AGBL4: variants seen among roughly 807,000 people sequenced by gnomAD.
AGBL4 encodes the protein cytosolic carboxypeptidase 6.
In AGBL4, 58 loss-of-function variants were observed where a neutral mutation model predicts 66.4. That is an observed-to-expected ratio of 0.87 (90% CI 0.71 to 1.09). The LOEUF (loss-of-function observed/expected upper bound fraction) is 1.09, where lower values mean the gene tolerates loss of function less well. AGBL4 is among the 50% of genes least tolerant of loss of function. The probability of loss-of-function intolerance (pLI) is 0.00; values close to 1 mark genes in which losing one functional copy is unlikely to be tolerated. For synonymous variants in AGBL4, 234 were observed against 222.9 expected (o/e 1.05, Z -0.44); for missense variants, 579 against 631.0 (o/e 0.92, Z 0.88).
chr1:49,558,744 T>G (rs1024883492), intron 3 of AGBL4, among the ~76,000 whole-genome samples: 4 of 152,104 alleles, frequency 2.6e-5, no homozygotes, highest in Non-Finnish European at 5.9e-5. Context: ...CCAAGCAGCA[T>G]TCACCACAAA....
chr1:49,229,346 G>T (rs1410578971), intron 4 of AGBL4, among the ~76,000 whole-genome samples: 2 of 152,158 alleles, frequency 1.3e-5, no homozygotes, highest in African/African-American at 2.4e-5. Context: ...ACACAGAAAA[G>T]ACGTAAGAAA....
At chr1:49,805,166 G>A (rs1644948733) in intron 2 of AGBL4, among the ~76,000 whole-genome samples, 1 of 152,184 alleles carries the variant, frequency 6.6e-6, no homozygotes, top group South Asian at 2.1e-4. Context: ...AAACAAGGGA[G>A]TTTCGTATGT....
At chr1:48,959,129 G>A (rs1657742321) in intron 5 of AGBL4, among the ~76,000 whole-genome samples, 1 of 152,162 alleles carries the variant, frequency 6.6e-6, no homozygotes, top group African/African-American at 2.4e-5. Flanking sequence ...GCACAGGAAT[G>A]ATATGACATG....
intron 6 of AGBL4, among the ~76,000 whole-genome samples, chr1:48,798,005 T>C (rs1397217671): frequency 1.3e-5 from 2 of 152,226 alleles, no homozygotes; most frequent in Non-Finnish European, 2.9e-5. Flanking sequence ...GTAATAGGAT[T>C]GCTGGATCAA....
chr1:49,637,893 A>G (rs540608537), intron 3 of AGBL4, among the ~76,000 whole-genome samples: 6 of 152,322 alleles, frequency 3.9e-5, no homozygotes, highest in African/African-American at 1.4e-4. Context: ...ATAAATGGGC[A>G]TAAAACACTT....
chr1:49,993,518 C>T (rs752412337), intron 1 of AGBL4, among the ~76,000 whole-genome samples: 2 of 152,120 alleles, frequency 1.3e-5, no homozygotes, highest in Non-Finnish European at 2.9e-5. Flanking sequence ...CCCAGAATAC[C>T]CTTTTCCTTT....
intron 3 of AGBL4, among the ~76,000 whole-genome samples, chr1:49,440,594 T>C (rs753542092): frequency 1.6e-4 from 24 of 152,038 alleles, no homozygotes; most frequent in African/African-American, 5.8e-4. Context: ...CAAAAGAAAA[T>C]GATAAACCCA....
intron 9 of AGBL4, among the ~76,000 whole-genome samples, chr1:48,617,085 GA>G (rs1366326609): frequency 6.6e-6 from 1 of 152,330 alleles, no homozygotes; most frequent in African/African-American, 2.4e-5. Context: ...GAAAAGGAGG[GA>G]GGGGGGAGCT....
intron 2 of AGBL4, among the ~76,000 whole-genome samples, chr1:49,828,061 T>C (rs527802843): frequency 2.0e-5 from 3 of 152,240 alleles, no homozygotes; most frequent in Admixed American, 6.5e-5. Context: ...AGGGAGTTCA[T>C]AGCTTTCATT....
intron 4 of AGBL4, among the ~76,000 whole-genome samples, chr1:49,105,406 C>G (rs1166320811): frequency 6.6e-6 from 1 of 152,084 alleles, no homozygotes; most frequent in East Asian, 1.9e-4. Context: ...TGTCCATGCC[C>G]CACCTGTTAC....
intron 3 of AGBL4, among the ~76,000 whole-genome samples, chr1:49,289,244 G>A (rs1220879630): frequency 6.6e-6 from 1 of 152,010 alleles, no homozygotes; most frequent in Non-Finnish European, 1.5e-5. Context: ...TAACAGATGG[G>A]TTTAAATAAC....
At chr1:49,279,340 T>C (rs1040322931) in intron 3 of AGBL4, among the ~76,000 whole-genome samples, 2 of 152,198 alleles carry the variant, frequency 1.3e-5, no homozygotes, top group African/African-American at 4.8e-5. Context: ...AGGCGCTGTC[T>C]TCAACTCAGC....
At chr1:49,875,856 G>C (rs1405496867) in intron 1 of AGBL4, among the ~76,000 whole-genome samples, 1 of 148,186 alleles carries the variant, frequency 6.7e-6, no homozygotes, top group Non-Finnish European at 1.5e-5. Context: ...ATTCTAACTG[G>C]TGTGAGATGA....
chr1:48,929,345 A>T (rs749862904), intron 5 of AGBL4, among the ~76,000 whole-genome samples: 2 of 152,162 alleles, frequency 1.3e-5, no homozygotes, highest in African/African-American at 4.8e-5. Context: ...GTATCCTTTC[A>T]GTTAAAAAAC....
chr1:48,591,101 C>CCT lies in AGBL4; in HGVS notation c.952-117_952-116insAG. The stretch of plus-strand genomic sequence containing the variant: ...ACACACACCCACCCACCCCCCCCCA[C>CCT]ACACACACACACATCAAGCTGACCC... On this transcript the variant is annotated intron_variant, in intron 9 of 13. Coordinates refer to ENST00000371839, the MANE Select transcript of AGBL4 (RefSeq NM_032785.4). The CCT allele has an allele frequency of 5.6e-5, 45 of 799,086 alleles. 1 individual carries two copies. In the Admixed American group the frequency reaches 1.3e-3, roughly 23 times the overall value. 49.5% of individuals were successfully genotyped at this position (799,086 alleles called of 1,614,324 possible).
chr1:49,478,493 A>G (rs1045745131), intron 3 of AGBL4, among the ~76,000 whole-genome samples: 1 of 152,076 alleles, frequency 6.6e-6, no homozygotes, highest in South Asian at 2.1e-4. Flanking sequence ...ATCTGGTGAA[A>G]ATAACCTTCA....
chr1:49,568,814 C>T (rs543856633), intron 3 of AGBL4, among the ~76,000 whole-genome samples: 1 of 152,122 alleles, frequency 6.6e-6, no homozygotes, highest in Admixed American at 6.6e-5. Context: ...AACACAGAGA[C>T]CAATGGAACA....
chr1:48,750,822 G>A (rs1032319435), intron 6 of AGBL4, among the ~76,000 whole-genome samples: 1 of 152,162 alleles, frequency 6.6e-6, no homozygotes, highest in Non-Finnish European at 1.5e-5. Flanking sequence ...AAAGCTTCTT[G>A]TCCTGTATAG....
intron 6 of AGBL4, among the ~76,000 whole-genome samples, chr1:48,784,973 C>T (rs573245662): frequency 2.5e-4 from 38 of 152,320 alleles, no homozygotes; most frequent in African/African-American, 4.1e-4. Flanking sequence ...AAATGCAACT[C>T]GCTTCTTGAA....
Sources: allele counts gnomAD v4.1 joint callset (sites outside exome capture counted in the v4.1 genomes callset), GRCh38; gene constraint gnomAD v4.1.1; transcripts MANE v1.5; gene names NCBI Gene and HGNC (gene_info 2026-07-23, HGNC 2026-07-21).